The following LRRTM4 variants were observed in gnomAD, a reference collection of about 807,000 sequenced individuals.
LRRTM4 encodes the protein leucine rich repeat transmembrane neuronal 4, also known as leucine-rich repeat transmembrane neuronal protein 4.
In LRRTM4, 25 loss-of-function variants were observed where a neutral mutation model predicts 47.6. The observed-to-expected ratio is 0.53, with a 90% CI of 0.38 to 0.73. The LOEUF (loss-of-function observed/expected upper bound fraction) is 0.73. LRRTM4 is among the 30% of genes least tolerant of loss of function. LRRTM4 has a pLI of 0.00. For synonymous variants in LRRTM4, 311 were observed against 269.5 expected (o/e 1.15, Z -1.51); for missense variants, 638 against 713.4 (o/e 0.89, Z 1.20).
At chr2:77,275,923 C>A (rs1676334371) in intron 3 of LRRTM4, among the ~76,000 whole-genome samples, 1 of 151,844 alleles carries the variant, frequency 6.6e-6, no homozygotes, top group South Asian at 2.1e-4. Flanking sequence ...GTATCTGAGT[C>A]CTCACAATTA....
At chr2:76,750,586 G>T (rs1401706955) in intron 3 of LRRTM4, among the ~76,000 whole-genome samples, 3 of 152,098 alleles carry the variant, frequency 2.0e-5, no homozygotes, top group African/African-American at 7.2e-5. Flanking sequence ...AAGTTGTTTT[G>T]ATTTTATAAT....
intron 3 of LRRTM4, among the ~76,000 whole-genome samples, chr2:77,080,854 C>T (rs552944786): frequency 6.6e-5 from 10 of 152,228 alleles, no homozygotes; most frequent in African/African-American, 2.4e-4. Context: ...TTCTCCTTTA[C>T]TATTACTTTG....
At chr2:76,785,529 A>C (rs1674628247) in intron 3 of LRRTM4, among the ~76,000 whole-genome samples, 1 of 152,120 alleles carries the variant, frequency 6.6e-6, no homozygotes, top group Admixed American at 6.6e-5. Context: ...TCCAGGAAGG[A>C]TCTTCAATTT....
intron 3 of LRRTM4, among the ~76,000 whole-genome samples, chr2:76,909,463 G>A (rs1218004666): frequency 6.6e-6 from 1 of 151,874 alleles, no homozygotes; most frequent in Non-Finnish European, 1.5e-5. Flanking sequence ...AACACCAAAA[G>A]CAATGGCAAC....
chr2:77,193,607 C>T (rs1220376320), intron 3 of LRRTM4, among the ~76,000 whole-genome samples: 2 of 151,390 alleles, frequency 1.3e-5, no homozygotes, highest in African/African-American at 2.4e-5. Context: ...ATCAGGAGTT[C>T]GAGACCAGCC....
chr2:76,836,240 T>A (rs552127883), intron 3 of LRRTM4, among the ~76,000 whole-genome samples: 1 of 152,066 alleles, frequency 6.6e-6, no homozygotes, highest in Non-Finnish European at 1.5e-5. Flanking sequence ...GTATATTGGT[T>A]GGACTTTGGC....
intron 3 of LRRTM4, among the ~76,000 whole-genome samples, chr2:77,034,868 A>G (rs1284401269): frequency 1.3e-5 from 2 of 151,904 alleles, no homozygotes; most frequent in Admixed American, 6.6e-5. Context: ...AAATTATTCT[A>G]TAAAGAGAAG....
chr2:76,841,035 A>G (rs1037103297), intron 3 of LRRTM4, among the ~76,000 whole-genome samples: 2 of 150,766 alleles, frequency 1.3e-5, no homozygotes, highest in Non-Finnish European at 2.9e-5. Flanking sequence ...CAAATGTCCA[A>G]CAATGATAGA....
At position 76,967,968 on chromosome 2, in the gene LRRTM4, G is replaced by A. The variant is rs80121183; in HGVS notation, c.1552-219052C>T. ...AGTTCCCAATGCATTACAGTTGGTT[G>A]GCAAATATAAAGACAAATGAACATT... On this transcript the variant is annotated intron_variant, in intron 3 of 3. Transcript: ENST00000409884. Among the ~76,000 whole-genome samples, 720 of 151,092 alleles carry A rather than the reference G, an allele frequency of 4.8e-3. 10 individuals are homozygous for A. The highest frequency in any genetic ancestry group is 0.017 in the Admixed American group (256 of 15,110).
At chr2:77,177,502 G>T (rs536926284) in intron 3 of LRRTM4, among the ~76,000 whole-genome samples, 1 of 152,136 alleles carries the variant, frequency 6.6e-6, no homozygotes, top group Non-Finnish European at 1.5e-5. Context: ...TATTCAGAAA[G>T]CTTCAAAGTT....
chr2:77,478,206 G>A (rs911585274), intron 3 of LRRTM4, among the ~76,000 whole-genome samples: 1 of 152,082 alleles, frequency 6.6e-6, no homozygotes, highest in African/African-American at 2.4e-5. Flanking sequence ...GAACTTGTTT[G>A]GAGACAATGG....
chr2:77,226,452 A>G (rs1282505497), intron 3 of LRRTM4, among the ~76,000 whole-genome samples: 1 of 151,498 alleles, frequency 6.6e-6, no homozygotes, highest in African/African-American at 2.4e-5. Flanking sequence ...TAAAAAGCAT[A>G]AACATGTAAT....
Position 77,364,736 on chromosome 2 carries a change from T to C in LRRTM4, c.1551+153582A>G, listed in dbSNP as rs951715491. Reference sequence around the variant, plus strand: ...TCCATTCCGATAAATACTATCTTAATAGTAAGGGGGCATATAAAATGAGTC... The same window carrying C: ...TCCATTCCGATAAATACTATCTTAACAGTAAGGGGGCATATAAAATGAGTC... On this transcript the variant is annotated intron_variant, in intron 3 of 3. Transcript: ENST00000409884. 3.3e-5 allele frequency among the ~76,000 whole-genome samples: 5 copies of C among 152,026 alleles called. No homozygotes were observed. In the East Asian group the frequency reaches 9.7e-4, roughly 29 times the overall value.
At chr2:77,202,011 T>C (rs906714247) in intron 3 of LRRTM4, among the ~76,000 whole-genome samples, 1 of 152,158 alleles carries the variant, frequency 6.6e-6, no homozygotes, top group African/African-American at 2.4e-5. Context: ...CTAGGCTTTC[T>C]TGAAGGTTGT....
chr2:77,218,745 A>G (rs1432210371), intron 3 of LRRTM4, among the ~76,000 whole-genome samples: 1 of 152,160 alleles, frequency 6.6e-6, no homozygotes, highest in Non-Finnish European at 1.5e-5. Context: ...GCTTCACCTG[A>G]GCAACAATAT....
chr2:77,383,682 CATAG>C (rs1357491179), intron 3 of LRRTM4, among the ~76,000 whole-genome samples: 1 of 152,090 alleles, frequency 6.6e-6, no homozygotes, highest in African/African-American at 2.4e-5. Flanking sequence ...ATATACCCTT[CATAG>C]AGATGAAAAA....
intron 3 of LRRTM4, among the ~76,000 whole-genome samples, chr2:76,898,157 C>T (rs974278623): frequency 6.6e-6 from 1 of 151,858 alleles, no homozygotes; most frequent in African/African-American, 2.4e-5. Flanking sequence ...TTTTTAAACT[C>T]TGTATGAAAA....
At chr2:76,948,154 G>T (rs1274787290) in intron 3 of LRRTM4, among the ~76,000 whole-genome samples, 2 of 140,942 alleles carry the variant, frequency 1.4e-5, no homozygotes, top group Non-Finnish European at 3.0e-5. Flanking sequence ...CAAGTGGAAA[G>T]TCTATTCAAT....
intron 3 of LRRTM4, among the ~76,000 whole-genome samples, chr2:76,904,611 T>G (rs987013553): frequency 1.3e-5 from 2 of 152,154 alleles, no homozygotes; most frequent in Non-Finnish European, 2.9e-5. Context: ...AAAGAAGCTA[T>G]TTTTATATAA....
Sources: gnomAD v4.1 joint callset for allele counts (sites outside exome capture counted in the v4.1 genomes callset) on GRCh38, gnomAD v4.1.1 for gene constraint, MANE v1.5 for transcripts, NCBI Gene and HGNC (gene_info 2026-07-23, HGNC 2026-07-21) for gene names.